The following PCDH9 variants were observed in gnomAD, a reference collection of about 807,000 sequenced individuals.
The protein encoded by PCDH9 is protocadherin 9.
PCDH9 carries 24 observed loss-of-function variants against 70.6 expected under a neutral mutation model. The observed-to-expected ratio is 0.34, with a 90% CI of 0.25 to 0.48. The LOEUF (loss-of-function observed/expected upper bound fraction) is 0.48. PCDH9 is among the 20% of genes least tolerant of loss of function. The probability of loss-of-function intolerance (pLI) is 0.99; values close to 1 mark genes in which losing one functional copy is unlikely to be tolerated. For missense variants in PCDH9, 1,281 were observed against 1,503.6 expected (o/e 0.85, Z 2.45); for synonymous variants, 562 against 558.5 (o/e 1.01, Z -0.09).
chr13:66,889,941 T>G (rs1016888225), intron 3 of PCDH9, among the ~76,000 whole-genome samples: 1 of 152,172 alleles, frequency 6.6e-6, no homozygotes, highest in Admixed American at 6.6e-5. Context: ...TATTGGTGTA[T>G]TGATTTTAAT....
chr13:66,647,548 G>C (rs1417632488), intron 3 of PCDH9, among the ~76,000 whole-genome samples: 1 of 151,840 alleles, frequency 6.6e-6, no homozygotes, highest in Non-Finnish European at 1.5e-5. Flanking sequence ...AGCAGCGGTA[G>C]CCAGGTAGTA....
intron 2 of PCDH9, among the ~76,000 whole-genome samples, chr13:67,024,830 CT>C (rs1296470566): frequency 6.6e-6 from 1 of 152,062 alleles, no homozygotes; most frequent in African/African-American, 2.4e-5. Flanking sequence ...ATGAAATACT[CT>C]TTTCCATATT....
At position 67,142,868 on chromosome 13, in the gene PCDH9, G is replaced by T. The variant is rs188361013; in HGVS notation, c.3036+82537C>A. Among the ~76,000 whole-genome samples the T allele has an allele frequency of 6.8e-4, 103 of 151,466 alleles. 3 individuals carry two copies. The East Asian group carries it at 0.018, about 27-fold the overall frequency. On this transcript the variant is annotated intron_variant, in intron 2 of 4. Transcript: ENST00000377865. ...ACAAAAAAAAAAAAAAAATAGCTGGGCGTTGTAGCAGGCACCTGTAATCCC... is the reference window on the plus strand; with the variant it reads ...ACAAAAAAAAAAAAAAAATAGCTGGTCGTTGTAGCAGGCACCTGTAATCCC...
chr13:66,315,315 A>C (rs1955631699), intron 4 of PCDH9, among the ~76,000 whole-genome samples: 1 of 152,182 alleles, frequency 6.6e-6, no homozygotes, highest in Non-Finnish European at 1.5e-5. Context: ...TAGGTTCATG[A>C]GATACTAAAT....
chr13:66,559,799 CAAAA>C (rs71205593), intron 4 of PCDH9, among the ~76,000 whole-genome samples: 2 of 10,264 alleles, frequency 1.9e-4, no homozygotes, highest in Admixed American at 2.3e-3. Context: ...GACTCCATCT[CAAAA>C]AAAAAAAAAA....
intron 4 of PCDH9, among the ~76,000 whole-genome samples, chr13:66,529,653 T>C (rs777737756): frequency 6.6e-6 from 1 of 152,056 alleles, no homozygotes; most frequent in African/African-American, 2.4e-5. Flanking sequence ...AAGTTTTGTG[T>C]TTTTTTCCCG....
chr13:66,622,292 G>A (rs983158491), intron 4 of PCDH9, among the ~76,000 whole-genome samples: 8 of 152,152 alleles, frequency 5.3e-5, no homozygotes, highest in East Asian at 1.9e-4. Context: ...CCTGCTCCAC[G>A]GCGCCCAGTC....
rs2081250225 is a variant in PCDH9, at chr13:66,848,435, AC to A, written c.3138+55068del. On this transcript the variant is annotated intron_variant, in intron 3 of 4. Coordinates refer to ENST00000377865, the MANE Select transcript of PCDH9 (RefSeq NM_203487.3). ...TGTTTGTTAGAACTTAATCAATCAA[AC>A]ATTTACGCTTAAAAAGCATTAACAG... Among the ~76,000 whole-genome samples the A allele has an allele frequency of 3.9e-5, 6 of 152,350 alleles. No individual in the cohort carries two copies. In the South Asian group the frequency reaches 1.2e-3, roughly 32 times the overall value.
At chr13:66,944,817 C>CTGTTTGTGTG (rs2083061405) in intron 2 of PCDH9, among the ~76,000 whole-genome samples, 1 of 135,348 alleles carries the variant, frequency 7.4e-6, no homozygotes, top group African/African-American at 2.8e-5. Context: ...CTAATCGTCT[C>CTGTTTGTGTG]TGTGTGTGTG....
At chr13:66,347,193 A>G (rs1289168579) in intron 4 of PCDH9, among the ~76,000 whole-genome samples, 1 of 152,230 alleles carries the variant, frequency 6.6e-6, no homozygotes, top group Non-Finnish European at 1.5e-5. Context: ...CTCTGGTTCA[A>G]TTGCATACCA....
intron 2 of PCDH9, among the ~76,000 whole-genome samples, chr13:67,065,054 G>A (rs9599180): frequency 6.6e-6 from 1 of 151,912 alleles, no homozygotes; most frequent in Non-Finnish European, 1.5e-5. Flanking sequence ...AAACTGTCTT[G>A]GGGGAATTAT....
chr13:67,215,760 A>G (rs145643777), intron 2 of PCDH9: 2 of 152,252 alleles, frequency 1.3e-5, no homozygotes, highest in African/African-American at 4.8e-5. Flanking sequence ...AATCTTATAT[A>G]TATAAAATAA....
At chr13:66,802,275 T>A (rs576663712) in intron 3 of PCDH9, among the ~76,000 whole-genome samples, 23 of 152,134 alleles carry the variant, frequency 1.5e-4, no homozygotes, top group African/African-American at 5.5e-4. Context: ...AAATAATGAA[T>A]TCCTTTTAAA....
At chr13:66,434,578 T>C (rs1404685084) in intron 4 of PCDH9, among the ~76,000 whole-genome samples, 1 of 152,044 alleles carries the variant, frequency 6.6e-6, no homozygotes, top group African/African-American at 2.4e-5. Context: ...GTTGAACAGA[T>C]ACAAGTATGA....
intron 2 of PCDH9, among the ~76,000 whole-genome samples, chr13:67,091,352 G>A (rs561189661): frequency 1.3e-5 from 2 of 152,220 alleles, no homozygotes; most frequent in East Asian, 3.9e-4. Flanking sequence ...CTAATACAGT[G>A]AAGATTTTTC....
intron 4 of PCDH9, among the ~76,000 whole-genome samples, chr13:66,530,292 CT>C (rs1702991835): frequency 6.6e-6 from 1 of 152,042 alleles, no homozygotes; most frequent in Non-Finnish European, 1.5e-5. Context: ...ACTTTTCAGA[CT>C]TCATTATTTT....
chr13:66,565,559 TTTCACACTCTGCTGTAGACCTCTCATA>T lies in PCDH9; in HGVS notation c.3340+65624_3340+65650del, dbSNP rs1419820071. 4.6e-5 allele frequency among the ~76,000 whole-genome samples: 7 copies of T among 152,296 alleles called. No homozygotes were observed. The East Asian group carries it at 1.3e-3, about 29-fold the overall frequency. ...GCTTGAAATTTATCTCAATCTTAGA[TTTCACACTCTGCTGTAGACCTCTCATA>T]TAGTTAGTAATCTCATCTTCAGGCA... On this transcript the variant is annotated intron_variant, in intron 4 of 4. Coordinates refer to ENST00000377865, the MANE Select transcript of PCDH9 (RefSeq NM_203487.3).
intron 2 of PCDH9, among the ~76,000 whole-genome samples, chr13:66,904,306 T>C (rs190318711): frequency 2.8e-3 from 431 of 152,158 alleles, no homozygotes; most frequent in Middle Eastern, 0.017. Flanking sequence ...TGTGAACATA[T>C]TAAAATGACA....
intron 3 of PCDH9, among the ~76,000 whole-genome samples, chr13:66,739,909 A>T (rs1263951671): frequency 6.8e-6 from 1 of 145,996 alleles, no homozygotes; most frequent in Non-Finnish European, 1.5e-5. Flanking sequence ...TTAACACCCC[A>T]CTGTCAACAT....
Sources: gnomAD v4.1 joint callset for allele counts (sites outside exome capture counted in the v4.1 genomes callset) on GRCh38, gnomAD v4.1.1 for gene constraint, MANE v1.5 for transcripts, NCBI Gene and HGNC (gene_info 2026-07-23, HGNC 2026-07-21) for gene names.